RIT2: variants seen among roughly 807,000 people sequenced by gnomAD.
The protein encoded by RIT2 is GTP-binding protein Rit2.
Under a neutral mutation model 23.7 loss-of-function variants are expected in RIT2, and 24 were observed. The ratio of observed to expected loss-of-function variants is 1.01; its 90% CI spans 0.73 to 1.43. RIT2 has a LOEUF of 1.43. Among genes scored for constraint, RIT2 ranks in the 40% most tolerant of loss-of-function variants. RIT2 has a pLI of 0.00. For synonymous variants in RIT2, 107 were observed against 91.1 expected, an observed-to-expected ratio of 1.17 and a Z score of -0.99; for missense variants, 236 against 266.9, an observed-to-expected ratio of 0.88 and a Z score of 0.81.
chr18:42,822,135 C>A lies in RIT2; in HGVS notation c.427-78415G>T, dbSNP rs779947421. Reference sequence around the variant, plus strand: ...GTGCAGAGCTTGGAGATATGAGACACTGCCTAATACCATTCATGCATGTAG... The same window carrying A: ...GTGCAGAGCTTGGAGATATGAGACAATGCCTAATACCATTCATGCATGTAG... On this transcript the variant is annotated intron_variant, in intron 4 of 4. Coordinates refer to ENST00000326695, the MANE Select transcript of RIT2 (RefSeq NM_002930.4). Among the ~76,000 whole-genome samples the A allele has an allele frequency of 5.9e-5, 9 of 152,258 alleles. No individual in the cohort carries two copies. The South Asian group carries it at 1.4e-3, about 25-fold the overall frequency.
chr18:42,966,371 T>A (rs866320546), intron 3 of RIT2, among the ~76,000 whole-genome samples: 11 of 152,336 alleles, frequency 7.2e-5, no homozygotes, highest in Non-Finnish European at 1.2e-4. Context: ...CGGCTATTTC[T>A]ATTAAAAGTA....
chr18:42,978,635 G>A (rs758209087), intron 2 of RIT2, among the ~76,000 whole-genome samples: 9 of 152,124 alleles, frequency 5.9e-5, no homozygotes, highest in Non-Finnish European at 1.2e-4. Context: ...GCTGCCTGCT[G>A]TATCATTTGC....
intron 1 of RIT2, among the ~76,000 whole-genome samples, chr18:43,089,985 AT>A (rs1913382838): frequency 6.6e-6 from 1 of 152,110 alleles, no homozygotes; most frequent in South Asian, 2.1e-4. Flanking sequence ...ATGGGCAAAA[AT>A]TTCATGAGGA....
chr18:42,769,059 T>C (rs1040532614), intron 4 of RIT2, among the ~76,000 whole-genome samples: 4 of 152,218 alleles, frequency 2.6e-5, no homozygotes, highest in African/African-American at 9.6e-5. Flanking sequence ...GTGATTCCTC[T>C]GTGGGAATTT....
chr18:42,868,082 A>G (rs1568016814), intron 4 of RIT2, among the ~76,000 whole-genome samples: 2 of 152,330 alleles, frequency 1.3e-5, no homozygotes, highest in African/African-American at 4.8e-5. Flanking sequence ...AACTTATACT[A>G]TGAGATTTAC....
intron 4 of RIT2, among the ~76,000 whole-genome samples, chr18:42,791,702 T>G (rs1914047378): frequency 6.6e-6 from 1 of 152,246 alleles, no homozygotes; most frequent in Admixed American, 6.5e-5. Context: ...TCCATTTTTG[T>G]GGTAAACGTT....
At chr18:42,880,342 C>T (rs947394414) in intron 4 of RIT2, among the ~76,000 whole-genome samples, 3 of 152,092 alleles carry the variant, frequency 2.0e-5, no homozygotes, top group African/African-American at 7.2e-5. Flanking sequence ...TTTCCAACTT[C>T]TGTTTTCTTG....
intron 4 of RIT2, among the ~76,000 whole-genome samples, chr18:42,792,984 T>A (rs11873248): frequency 6.6e-6 from 1 of 151,826 alleles, no homozygotes; most frequent in Non-Finnish European, 1.5e-5. Context: ...GTATTCTTAT[T>A]CAGATACCAA....
chr18:42,998,974 A>G (rs1228276857), intron 2 of RIT2, among the ~76,000 whole-genome samples: 3 of 152,144 alleles, frequency 2.0e-5, no homozygotes, highest in Non-Finnish European at 4.4e-5. Context: ...TTTGAGGTCC[A>G]GTTCTACAAT....
chr18:42,747,341 C>T (rs1912941718), intron 4 of RIT2, among the ~76,000 whole-genome samples: 1 of 151,760 alleles, frequency 6.6e-6, no homozygotes, highest in Non-Finnish European at 1.5e-5. Context: ...TATACCAAAC[C>T]AAGGAAGTGA....
chr18:42,782,091 T>A (rs1234528228), intron 4 of RIT2, among the ~76,000 whole-genome samples: 1 of 152,194 alleles, frequency 6.6e-6, no homozygotes. Context: ...ATGTACAGTT[T>A]CTTTGTGTGT....
chr18:42,798,186 A>C (rs906997027), intron 4 of RIT2, among the ~76,000 whole-genome samples: 1 of 152,202 alleles, frequency 6.6e-6, no homozygotes, highest in African/African-American at 2.4e-5. Flanking sequence ...AGTTATTCAA[A>C]ATTCATCATT....
chr18:43,024,395 A>G (rs1294943224), intron 2 of RIT2, among the ~76,000 whole-genome samples: 1 of 152,240 alleles, frequency 6.6e-6, no homozygotes, highest in East Asian at 1.9e-4. Flanking sequence ...TACCATATAC[A>G]AATATTAACT....
At chr18:42,831,953 T>A (rs1906471031) in intron 4 of RIT2, among the ~76,000 whole-genome samples, 1 of 152,162 alleles carries the variant, frequency 6.6e-6, no homozygotes. Context: ...ACTTGGAAGA[T>A]CAAACTTGAT....
chr18:43,056,345 C>A (rs932477234), intron 1 of RIT2, among the ~76,000 whole-genome samples: 1 of 152,030 alleles, frequency 6.6e-6, no homozygotes, highest in Non-Finnish European at 1.5e-5. Context: ...AACACTACAG[C>A]ACACTGAATC....
chr18:42,761,558 G>A (rs1187485897), intron 4 of RIT2, among the ~76,000 whole-genome samples: 1 of 152,090 alleles, frequency 6.6e-6, no homozygotes, highest in Non-Finnish European at 1.5e-5. Context: ...CAAACTAATT[G>A]TTTATAAAGT....
At chr18:42,954,481 C>T (rs545832644) in intron 3 of RIT2, among the ~76,000 whole-genome samples, 2 of 151,436 alleles carry the variant, frequency 1.3e-5, no homozygotes, top group Admixed American at 6.6e-5. Context: ...TATCAACTTC[C>T]AAAAAAGAAA....
chr18:42,803,106 A>G (rs2143964792), intron 4 of RIT2, among the ~76,000 whole-genome samples: 1 of 152,288 alleles, frequency 6.6e-6, no homozygotes, highest in Non-Finnish European at 1.5e-5. Flanking sequence ...TTCATTAACA[A>G]CCACCATAGG....
At chr18:42,969,158 G>A (rs1910304781) in intron 3 of RIT2, among the ~76,000 whole-genome samples, 1 of 152,110 alleles carries the variant, frequency 6.6e-6, no homozygotes, top group Non-Finnish European at 1.5e-5. Context: ...GTGAGGAAAT[G>A]TCCTAAACAT....
Sources: allele counts gnomAD v4.1 joint callset (sites outside exome capture counted in the v4.1 genomes callset), GRCh38; gene constraint gnomAD v4.1.1; transcripts MANE v1.5; gene names NCBI Gene and HGNC (gene_info 2026-07-23, HGNC 2026-07-21).